Variants in CFAP43 observed in about 807,000 individuals in gnomAD.
CFAP43 encodes cilia and flagella associated protein 43, also known as cilia- and flagella-associated protein 43.
In CFAP43, 155 loss-of-function variants were observed where a neutral mutation model predicts 218.9. The observed-to-expected ratio is 0.71, with a 90% CI of 0.62 to 0.81. The LOEUF is 0.81. Ranked by LOEUF, CFAP43 falls within the 30% of genes least tolerant of loss-of-function variation. The probability of loss-of-function intolerance (pLI) is 0.00; values close to 1 mark genes in which losing one functional copy is unlikely to be tolerated. For missense variants in CFAP43, 1,778 were observed against 1,954.3 expected (o/e 0.91, Z 1.70); for synonymous variants, 645 against 681.3 (o/e 0.95, Z 0.83).
At position 104,207,933 on chromosome 10, in the gene CFAP43, C is replaced by T. The variant is rs111840982; in HGVS notation, c.736-109G>A. ...AAGGAACCATACTTAACCCCATAGA[C>T]GCAGAAAACATAGGAACATTGAGCA... On this transcript the variant is annotated intron_variant, in intron 5 of 37. Coordinates refer to ENST00000357060, the MANE Select transcript of CFAP43 (RefSeq NM_025145.7). 2.2e-4 allele frequency: 231 copies of T among 1,074,174 alleles called. 1 individual carries two copies. Among genetic ancestry groups the T allele is most frequent in the Non-Finnish European group, 2.8e-4 (212 of 765,052 alleles). The allele number at this position is 1,074,174 out of a possible 1,614,324, so 66.5% of individuals were successfully genotyped here.
chr10:104,143,423 T>C lies in CFAP43; in HGVS notation c.4158+3A>G, dbSNP rs780975179. On this transcript the variant is annotated splice_donor_region_variant and intron_variant, in intron 32 of 37. Coordinates refer to ENST00000357060, the MANE Select transcript of CFAP43 (RefSeq NM_025145.7). Reference sequence around the variant, plus strand: ...AATTAAATTAAGTTAAAATAGTATATACTTTCTGTTCATTTTCCACTTTTG... The same window carrying C: ...AATTAAATTAAGTTAAAATAGTATACACTTTCTGTTCATTTTCCACTTTTG... The C allele has an allele frequency of 1.9e-6, 3 of 1,612,604 alleles. No individual in the cohort carries two copies. The highest frequency in any genetic ancestry group is 2.2e-5 in the South Asian group (2 of 90,978).
At chr10:104,187,525 T>C in intron 13 of CFAP43, 33 bp from the exon 14 acceptor site, 1 of 1,474,326 alleles carries the variant, frequency 6.8e-7, no homozygotes, top group Non-Finnish European at 9.0e-7. Flanking sequence ...AGAAATCACT[T>C]GTACCATAAA....
intron 34 of CFAP43, among the ~76,000 whole-genome samples, chr10:104,139,742 T>C (rs1173032028): frequency 5.3e-5 from 8 of 152,156 alleles, no homozygotes. Flanking sequence ...GGAAGTTCTT[T>C]AAGCAGAAGG....
chr10:104,165,744 C>T (rs1331341742), intron 23 of CFAP43, among the ~76,000 whole-genome samples: 4 of 152,186 alleles, frequency 2.6e-5, no homozygotes, highest in African/African-American at 4.8e-5. Context: ...ACCTTGTCCT[C>T]GAACCCCAGA....
intron 3 of CFAP43, among the ~76,000 whole-genome samples, chr10:104,219,545 A>C (rs1218150215): frequency 6.6e-6 from 1 of 152,198 alleles, no homozygotes; most frequent in Non-Finnish European, 1.5e-5. Context: ...CACTGCCTTT[A>C]GGATAAAGAA....
chr10:104,139,767 T>C (rs968338203), intron 34 of CFAP43, among the ~76,000 whole-genome samples: 23 of 128,192 alleles, frequency 1.8e-4, no homozygotes, highest in African/African-American at 6.4e-4. Context: ...TGATACAAGA[T>C]GGAAATTTGG....
chr10:104,228,900 T>C (rs1483084198), intron 2 of CFAP43, among the ~76,000 whole-genome samples: 1 of 152,162 alleles, frequency 6.6e-6, no homozygotes, highest in African/African-American at 2.4e-5. Context: ...AACTTCCAGG[T>C]TGATATTAAA....
chr10:104,144,713 C>T (rs543017822), intron 31 of CFAP43, among the ~76,000 whole-genome samples: 1 of 152,338 alleles, frequency 6.6e-6, no homozygotes, highest in South Asian at 2.1e-4. Flanking sequence ...TGCCTATAAC[C>T]TGTCAGAGTT....
At position 104,192,312 on chromosome 10, in the gene CFAP43, A is replaced by G; in HGVS notation, c.1443-10T>C. 1 of 1,590,658 alleles carries G rather than the reference A, an allele frequency of 6.3e-7. No individual in the cohort carries two copies. Among genetic ancestry groups the G allele is most frequent in the Non-Finnish European group, 8.6e-7 (1 of 1,160,112 alleles). ...TCCTTGCTGATCATAACTAGAAAAG[A>G]AGAAATCTGATGATCAAATCCCAAT... On this transcript the variant is annotated splice_polypyrimidine_tract_variant and intron_variant, in intron 11 of 37. Coordinates refer to ENST00000357060, the MANE Select transcript of CFAP43 (RefSeq NM_025145.7).
Position 104,232,303 on chromosome 10 carries a change from C to A in CFAP43, c.-57G>T, listed in dbSNP as rs1414225856. On this transcript the variant is annotated 5_prime_UTR_variant, in exon 1 of 38. Transcript: ENST00000357060. ...GCGCACGCAGCACCCCAGGGCGGGT[C>A]GGTTACCTTTCCGCCGCCGCGGGGC... is the stretch of plus-strand genomic sequence containing the variant. 5 of 1,486,326 alleles carry A rather than the reference C, an allele frequency of 3.4e-6. No individual in the cohort carries two copies. The highest frequency in any genetic ancestry group is 1.3e-5 in the South Asian group (1 of 76,118). 92.1% of individuals were successfully genotyped at this position (1,486,326 alleles called of 1,614,324 possible). A position where few individuals can be genotyped will look rare whatever the true frequency, so the allele number is the denominator to read the frequency against.
At position 104,210,783 on chromosome 10, in the gene CFAP43, C is replaced by CTTTTTTTTTT. The variant is rs68153454; in HGVS notation, c.735+1214_735+1223dup. 2.8e-4 allele frequency among the ~76,000 whole-genome samples: 21 copies of CTTTTTTTTTT among 75,450 alleles called. 2 individuals are homozygous for CTTTTTTTTTT. Among genetic ancestry groups the CTTTTTTTTTT allele is most frequent in the Non-Finnish European group, 4.2e-4 (18 of 43,168 alleles). The allele number at this position is 75,450 out of a possible 152,430, so 49.5% of individuals were successfully genotyped here. On this transcript the variant is annotated intron_variant, in intron 5 of 37. Coordinates refer to ENST00000357060, the MANE Select transcript of CFAP43 (RefSeq NM_025145.7). ...TGCAGGTCCTTCCACGTGAAACACT[C>CTTTTTTTTTT]TTTTTTTTTTTTTTTTTTTTTTTTT...
intron 28 of CFAP43, 95 bp from the exon 29 acceptor site, chr10:104,148,093 T>C: frequency 1.7e-6 from 1 of 585,492 alleles, no homozygotes; most frequent in African/African-American, 1.9e-5. Context: ...GTTTATGACA[T>C]ACACATAAAC....
chr10:104,185,945 C>T, intron 15 of CFAP43, 29 bp downstream of exon 15: 2 of 1,599,878 alleles, frequency 1.3e-6, no homozygotes, highest in Non-Finnish European at 1.7e-6. Flanking sequence ...TATACACCCA[C>T]AATATTTTTT....
At chr10:104,162,929 G>A (rs2088955561) in intron 24 of CFAP43, among the ~76,000 whole-genome samples, 1 of 152,082 alleles carries the variant, frequency 6.6e-6, no homozygotes, top group Non-Finnish European at 1.5e-5. Context: ...TGCAGCAAGA[G>A]CACTCTCCTA....
chr10:104,164,360 A>G, intron 23 of CFAP43, 60 bp from the exon 24 acceptor site: 3 of 1,259,476 alleles, frequency 2.4e-6, no homozygotes, highest in Non-Finnish European at 3.3e-6. Context: ...TGGTAACATG[A>G]TCCCACAATT....
At chr10:104,200,850 C>A (rs970124664) in intron 8 of CFAP43, among the ~76,000 whole-genome samples, 2 of 151,924 alleles carry the variant, frequency 1.3e-5, no homozygotes, top group African/African-American at 4.8e-5. Context: ...GCAGGATGGA[C>A]AAGAGTTCAC....
intron 3 of CFAP43, 90 bp from the exon 4 acceptor site, chr10:104,214,516 G>A: frequency 3.6e-6 from 4 of 1,110,284 alleles, no homozygotes; most frequent in Non-Finnish European, 4.9e-6. Context: ...ACATAAATTG[G>A]GATATAATTT....
intron 20 of CFAP43, among the ~76,000 whole-genome samples, chr10:104,171,686 G>C (rs2089419865): frequency 1.3e-5 from 2 of 151,992 alleles, no homozygotes; most frequent in Admixed American, 6.6e-5. Flanking sequence ...ACACACTTAG[G>C]GCTTTTATTT....
intron 34 of CFAP43, among the ~76,000 whole-genome samples, chr10:104,135,104 C>G (rs2087377225): frequency 6.6e-6 from 1 of 151,414 alleles, no homozygotes; most frequent in Admixed American, 6.6e-5. Flanking sequence ...ACCTCATTAA[C>G]AGAACAAATT....
Sources: gnomAD v4.1 joint callset for allele counts (sites outside exome capture counted in the v4.1 genomes callset) on GRCh38, gnomAD v4.1.1 for gene constraint, MANE v1.5 for transcripts, NCBI Gene and HGNC (gene_info 2026-07-23, HGNC 2026-07-21) for gene names.